TM4SF18: variants seen among roughly 807,000 people sequenced by gnomAD.
TM4SF18 encodes transmembrane 4 L six family member 18, also known as transmembrane 4 L6 family member 18.
TM4SF18 carries 22 observed loss-of-function variants against 23.8 expected under a neutral mutation model. That is an observed-to-expected ratio of 0.92 (90% CI 0.66 to 1.32). The LOEUF (loss-of-function observed/expected upper bound fraction) is 1.32. Ranked by LOEUF, TM4SF18 falls within the 40% of genes most tolerant of loss-of-function variation. The pLI is 0.00. For synonymous variants in TM4SF18, 87 were observed against 87.9 expected (o/e 0.99, Z 0.06); for missense variants, 255 against 240.3 (o/e 1.06, Z -0.41).
intron 2 of TM4SF18, among the ~76,000 whole-genome samples, chr3:149,332,990 G>A (rs1009321716): frequency 6.6e-6 from 1 of 152,150 alleles, no homozygotes; most frequent in African/African-American, 2.4e-5. Flanking sequence ...CTAATTTCCT[G>A]CATTACTGAG....
chr3:149,322,222 G>A (rs755809669), intron 5 of TM4SF18, 34 bp downstream of exon 5: 1 of 1,553,718 alleles, frequency 6.4e-7, no homozygotes, highest in Non-Finnish European at 8.7e-7. Flanking sequence ...GGGGAAATAT[G>A]GATGAGCTAC....
chr3:149,326,960 GT>G (rs1204600570), intron 3 of TM4SF18, among the ~76,000 whole-genome samples: 58 of 152,160 alleles, frequency 3.8e-4, no homozygotes, highest in Non-Finnish European at 2.6e-4. Context: ...TTGTTTTGTT[GT>G]TGTTTTTGAG....
chr3:149,331,806 T>G (rs1316163578), intron 2 of TM4SF18, among the ~76,000 whole-genome samples: 1 of 152,222 alleles, frequency 6.6e-6, no homozygotes, highest in African/African-American at 2.4e-5. Flanking sequence ...AATAGTAATT[T>G]ACCCACAATG....
Position 149,321,499 on chromosome 3 carries a change from GA to G in TM4SF18, c.592-8del, listed in dbSNP as rs1197830482. On this transcript the variant is annotated splice_polypyrimidine_tract_variant and splice_region_variant and intron_variant, in intron 5 of 5. Transcript: ENST00000296059. Reference sequence around the variant, plus strand: ...TTATTCAAATGATTCCAGGCTATAGGAAAAAAGGAAAAACAAAGTGATTAAA... The same window carrying G: ...TTATTCAAATGATTCCAGGCTATAGGAAAAAGGAAAAACAAAGTGATTAAA... 10 of 1,565,568 alleles carry G rather than the reference GA, an allele frequency of 6.4e-6. No homozygotes were observed. Among genetic ancestry groups the G allele is most frequent in the Admixed American group, 3.7e-5 (2 of 54,076 alleles).
At chr3:149,332,294 T>C (rs1242687739) in intron 2 of TM4SF18, among the ~76,000 whole-genome samples, 1 of 152,190 alleles carries the variant, frequency 6.6e-6, no homozygotes, top group African/African-American at 2.4e-5. Flanking sequence ...TAAAAACCCC[T>C]AAAAGATGTA....
chr3:149,332,199 A>G (rs532884828), intron 2 of TM4SF18, among the ~76,000 whole-genome samples: 63 of 110,628 alleles, frequency 5.7e-4, no homozygotes, highest in Non-Finnish European at 9.7e-4. Context: ...TTGGATATTA[A>G]TATTTTAAAG....
intron 3 of TM4SF18, among the ~76,000 whole-genome samples, chr3:149,329,654 GAGA>G (rs1047329873): frequency 3.3e-5 from 5 of 152,196 alleles, no homozygotes; most frequent in African/African-American, 1.2e-4. Context: ...GGAAGAGGAT[GAGA>G]AGGAGAATGG....
Position 149,319,858 on chromosome 3 carries a change from A to G in TM4SF18, c.*1620T>C, listed in dbSNP as rs1486836622. The G allele has an allele frequency of 1.3e-5, 2 of 152,182 alleles. No homozygotes were observed. The highest frequency in any genetic ancestry group is 2.9e-5 in the Non-Finnish European group (2 of 68,028). 9.4% of individuals were successfully genotyped at this position (152,182 alleles called of 1,614,324 possible). On this transcript the variant is annotated 3_prime_UTR_variant, in exon 6 of 6. Transcript: ENST00000296059. ...AAATTCTTATGCTTGAATAACCACCAGTCTTGTTTGGACAGTGTTTTACTC... is the reference window on the plus strand; with the variant it reads ...AAATTCTTATGCTTGAATAACCACCGGTCTTGTTTGGACAGTGTTTTACTC...
chr3:149,326,694 CCT>C (rs1306802668), intron 3 of TM4SF18, among the ~76,000 whole-genome samples: 1 of 152,168 alleles, frequency 6.6e-6, no homozygotes, highest in African/African-American at 2.4e-5. Context: ...CTCTCCTTTG[CCT>C]CTGTCTATAT....
chr3:149,328,317 C>T (rs918284227), intron 3 of TM4SF18, among the ~76,000 whole-genome samples: 1 of 152,056 alleles, frequency 6.6e-6, no homozygotes, highest in Non-Finnish European at 1.5e-5. Flanking sequence ...AGAGTACTCC[C>T]CTCAACCCCT....
rs998606267 is a variant in TM4SF18, at chr3:149,321,221, A to G, written c.*257T>C. ...CTCTCATATTCTTATTTACTTCCCT[A>G]GTACAGATTCTTGGAAATGGATTTG... On this transcript the variant is annotated 3_prime_UTR_variant, in exon 6 of 6. Transcript: ENST00000296059. 1.4e-5 allele frequency: 5 copies of G among 349,132 alleles called. No homozygotes were observed. The highest frequency in any genetic ancestry group is 2.7e-5 in the Non-Finnish European group (5 of 187,634). 21.6% of individuals were successfully genotyped at this position (349,132 alleles called of 1,614,324 possible). A position where few individuals can be genotyped will look rare whatever the true frequency, so the allele number is the denominator to read the frequency against.
At chr3:149,324,162 T>TGCTACCACCAGGG (rs1438443262) in intron 4 of TM4SF18, among the ~76,000 whole-genome samples, 2 of 152,202 alleles carry the variant, frequency 1.3e-5, no homozygotes, top group East Asian at 3.8e-4. Context: ...TGCTACCTCC[T>TGCTACCACCAGGG]AATCTGCATC....
intron 2 of TM4SF18, among the ~76,000 whole-genome samples, chr3:149,330,870 A>C (rs777739527): frequency 1.9e-4 from 29 of 152,198 alleles, no homozygotes; most frequent in Non-Finnish European, 2.6e-4. Context: ...TGGAGGTGAG[A>C]GGCTCAGTTA....
chr3:149,325,832 T>TA (rs1730930924), intron 3 of TM4SF18, among the ~76,000 whole-genome samples: 1 of 152,104 alleles, frequency 6.6e-6, no homozygotes, highest in South Asian at 2.1e-4. Flanking sequence ...CTCCCAACCT[T>TA]AAAAAATGTC....
At position 149,333,346 on chromosome 3, in the gene TM4SF18, A is replaced by C; in HGVS notation, c.37T>G (p.Leu13Val). 1 of 1,613,512 alleles carries C rather than the reference A, an allele frequency of 6.2e-7. No individual in the cohort carries two copies. Among genetic ancestry groups the C allele is most frequent in the Non-Finnish European group, 8.5e-7 (1 of 1,179,748 alleles). Residue 13 changes from leucine (L) to valine (V), a missense_variant, in exon 2 of 6, where the codon TTG becomes GTG. Physicochemically the swap from Leu to Val is conservative, Grantham distance 32 (BLOSUM62 1). Coordinates refer to ENST00000296059, the MANE Select transcript of TM4SF18 (RefSeq NM_138786.4). ...SRKCGGCLSCLLIPLALWSII... is the reference protein window; with the variant it reads ...SRKCGGCLSCVLIPLALWSII... ...CTCCAAAGTGCAAGCGGAATCAGCA[A>C]ACAACTTAGGCAGCCTCCACACTTC...
Position 149,318,793 on chromosome 3 carries a change from T to G in TM4SF18, c.*2685A>C, listed in dbSNP as rs1730730781. 1 of 152,226 alleles carries G rather than the reference T, an allele frequency of 6.6e-6. No individual in the cohort carries two copies. Among genetic ancestry groups the G allele is most frequent in the Non-Finnish European group, 1.5e-5 (1 of 68,036 alleles). The allele number at this position is 152,226 out of a possible 1,614,324, so 9.4% of individuals were successfully genotyped here. A position where few individuals can be genotyped will look rare whatever the true frequency, so the allele number is the denominator to read the frequency against. On this transcript the variant is annotated 3_prime_UTR_variant, in exon 6 of 6. Transcript: ENST00000296059. ...TGTAACTATTAACTTTTAAATATTT[T>G]TCTGGTCTTTACATATCTCAAGGTT...
chr3:149,319,584 TC>T lies in TM4SF18; in HGVS notation c.*1893del, dbSNP rs1285543515. On this transcript the variant is annotated 3_prime_UTR_variant, in exon 6 of 6. Coordinates refer to ENST00000296059, the MANE Select transcript of TM4SF18 (RefSeq NM_138786.4). Reference sequence around the variant, plus strand: ...TTTAGTCGGGGGTTTACTGAAATGATCAGCACAGTGACAAAGAAGAAAGACT... The same window carrying T: ...TTTAGTCGGGGGTTTACTGAAATGATAGCACAGTGACAAAGAAGAAAGACT... The T allele has an allele frequency of 6.6e-6, 1 of 152,146 alleles. No homozygotes were observed. The highest frequency in any genetic ancestry group is 1.5e-5 in the Non-Finnish European group (1 of 68,040). The allele number at this position is 152,146 out of a possible 1,614,324, so 9.4% of individuals were successfully genotyped here.
rs184114121 is a variant in TM4SF18 at position 149,318,595 on chromosome 3, A to G, written c.*2883T>C. On this transcript the variant is annotated 3_prime_UTR_variant, in exon 6 of 6. Coordinates refer to ENST00000296059, the MANE Select transcript of TM4SF18 (RefSeq NM_138786.4). ...ATACTGAACAATGTAAAGAAAAGAG[A>G]TAGAACTTATAGTCCTATCATTAGG... 1 of 152,338 alleles carries G rather than the reference A, an allele frequency of 6.6e-6. No individual in the cohort carries two copies. Among genetic ancestry groups the G allele is most frequent in the Admixed American group, 6.5e-5 (1 of 15,304 alleles). 9.4% of individuals were successfully genotyped at this position (152,338 alleles called of 1,614,324 possible). A position where few individuals can be genotyped will look rare whatever the true frequency, so the allele number is the denominator to read the frequency against.
intron 4 of TM4SF18, 127 bp downstream of exon 4, chr3:149,324,752 AG>A: frequency 2.5e-6 from 3 of 1,194,186 alleles, no homozygotes; most frequent in Non-Finnish European, 3.6e-6. Flanking sequence ...GTAAACTAAC[AG>A]GGAAATTCTG....
Sources: gnomAD v4.1 joint callset for allele counts (sites outside exome capture counted in the v4.1 genomes callset) on GRCh38, gnomAD v4.1.1 for gene constraint, MANE v1.5 for transcripts, NCBI Gene and HGNC (gene_info 2026-07-23, HGNC 2026-07-21) for gene names.